ENTPD5: variants seen among roughly 807,000 people sequenced by gnomAD.
ENTPD5 encodes the protein ectonucleoside triphosphate diphosphohydrolase 5 (inactive), also known as nucleoside diphosphate phosphatase ENTPD5.
In ENTPD5, 49 loss-of-function variants were observed where a neutral mutation model predicts 60.2. The observed-to-expected ratio is 0.81, with a 90% CI of 0.65 to 1.03. The LOEUF (loss-of-function observed/expected upper bound fraction) is 1.03, where lower values mean the gene tolerates loss of function less well. Ranked by LOEUF, ENTPD5 falls within the 50% of genes least tolerant of loss-of-function variation. The probability of loss-of-function intolerance (pLI) is 0.00; values close to 1 mark genes in which losing one functional copy is unlikely to be tolerated. For missense variants in ENTPD5, 480 were observed against 507.6 expected, an observed-to-expected ratio of 0.95 and a Z score of 0.52; for synonymous variants, 187 against 185.4, an observed-to-expected ratio of 1.01 and a Z score of -0.07.
chr14:73,987,230 A>G (rs1341533633), intron 4 of ENTPD5: 4 of 685,588 alleles, frequency 5.8e-6, no homozygotes, highest in Non-Finnish European at 1.1e-5. Context: ...TGAAATTCTC[A>G]TGTGATCCTT....
rs187456645 is a variant in ENTPD5, at chr14:73,980,553, C to T, written c.441+2465G>A. Among the ~76,000 whole-genome samples the T allele has an allele frequency of 7.6e-4, 115 of 152,092 alleles. 1 individual carries two copies. Among genetic ancestry groups the T allele is most frequent in the African/African-American group, 2.5e-3 (105 of 41,526 alleles). On this transcript the variant is annotated intron_variant, in intron 6 of 15. Coordinates refer to ENST00000334696, the MANE Select transcript of ENTPD5 (RefSeq NM_001249.5). ...AGCTGGGATTTTGGGCATGAGCTAC[C>T]ACACCGGGACTTAATTTTTTTTGTA...
intron 5 of ENTPD5, among the ~76,000 whole-genome samples, chr14:73,983,622 T>TG (rs1594885708): frequency 1.4e-5 from 1 of 72,188 alleles, no homozygotes; most frequent in African/African-American, 7.5e-5. Flanking sequence ...ACACTCCATC[T>TG]CAAAAAAAAA....
At chr14:73,956,178 A>G (rs2056426621), downstream of ENTPD5, 1 of 405,118 alleles carries the variant, frequency 2.5e-6, no homozygotes, top group Non-Finnish European at 4.7e-6. Context: ...CAAAGAAACA[A>G]TTAGCCAGGC....
chr14:73,969,203 C>G (rs1188150380), intron 15 of ENTPD5, among the ~76,000 whole-genome samples: 1 of 152,176 alleles, frequency 6.6e-6, no homozygotes, highest in East Asian at 1.9e-4. Flanking sequence ...TCTTTGTGCT[C>G]CCATGACCGA....
chr14:73,988,732 A>T (rs1454762811), intron 3 of ENTPD5, among the ~76,000 whole-genome samples: 2 of 152,172 alleles, frequency 1.3e-5, no homozygotes, highest in African/African-American at 4.8e-5. Flanking sequence ...CCATGAAATC[A>T]ACTTTTTTAG....
chr14:73,992,745 A>G (rs1398951620), intron 3 of ENTPD5, among the ~76,000 whole-genome samples: 1 of 151,442 alleles, frequency 6.6e-6, no homozygotes, highest in African/African-American at 2.4e-5. Flanking sequence ...GCGCACGCCT[A>G]TCATCTCAGC....
intron 6 of ENTPD5, among the ~76,000 whole-genome samples, chr14:73,979,637 A>C (rs1464213349): frequency 6.6e-6 from 1 of 151,566 alleles, no homozygotes; most frequent in East Asian, 2.0e-4. Flanking sequence ...ACGCCTGGCT[A>C]ATTTTGTGTA....
chr14:73,982,943 A>C, intron 6 of ENTPD5, 75 bp downstream of exon 6: 4 of 1,505,850 alleles, frequency 2.7e-6, no homozygotes, highest in Non-Finnish European at 3.6e-6. Flanking sequence ...GTCACATTCC[A>C]AAAGGCTAAA....
At chr14:73,974,713 C>A (rs1451613678) in intron 11 of ENTPD5, among the ~76,000 whole-genome samples, 1 of 152,328 alleles carries the variant, frequency 6.6e-6, no homozygotes, top group East Asian at 1.9e-4. Context: ...AAGTAGACCT[C>A]ATTCTAAAAA....
At chr14:73,997,283 G>A (rs552950464) in intron 3 of ENTPD5, among the ~76,000 whole-genome samples, 130 of 151,946 alleles carry the variant, frequency 8.6e-4, no homozygotes, top group Non-Finnish European at 1.6e-3. Context: ...GAGTGGACTT[G>A]TTTTCCTTTC....
At chr14:74,004,427 T>C (rs1424342272) in intron 3 of ENTPD5, among the ~76,000 whole-genome samples, 2 of 152,164 alleles carry the variant, frequency 1.3e-5, no homozygotes, top group Admixed American at 6.5e-5. Flanking sequence ...CCTCCCAAAG[T>C]GCTGAGATTA....
At chr14:73,975,554 G>A (rs117000955) in intron 10 of ENTPD5, among the ~76,000 whole-genome samples, 1,638 of 152,040 alleles carry the variant, frequency 0.011, 9 homozygotes, top group Non-Finnish European at 0.018. Flanking sequence ...ACAGGTGTGC[G>A]CTGTCATATC....
At position 73,983,143 on chromosome 14, in the gene ENTPD5, C is replaced by G; in HGVS notation, c.316G>C (p.Gly106Arg). ...GAGTCTTTGGCCACCTCTAAGAGCC[C>G]TTGAACGGTCTCAGCACCCTTCAAA... ...QPKQGAETVQ[G>R]LLEVAKDSIP... Residue 106 changes from glycine (G) to arginine (R), a missense_variant, in exon 6 of 16, where the codon GGG becomes CGG. Transcript: ENST00000334696. The G allele has an allele frequency of 1.9e-6, 3 of 1,613,850 alleles. No homozygotes were observed. Among genetic ancestry groups the G allele is most frequent in the Non-Finnish European group, 2.5e-6 (3 of 1,179,884 alleles).
chr14:73,986,903 C>A lies in ENTPD5; in HGVS notation c.218-10G>T. The A allele has an allele frequency of 6.2e-7, 1 of 1,610,260 alleles. No individual in the cohort carries two copies. Among genetic ancestry groups the A allele is most frequent in the Non-Finnish European group, 8.5e-7 (1 of 1,176,542 alleles). On this transcript the variant is annotated splice_polypyrimidine_tract_variant and intron_variant, in intron 4 of 15. Transcript: ENST00000334696. ...AGAATTGGAAGCTGTCCTATTTTGT[C>A]CATGGAACAAAACAGAAGAGAGAGC...
chr14:73,975,116 T>C, intron 10 of ENTPD5, 131 bp from the exon 11 acceptor site: 2 of 718,924 alleles, frequency 2.8e-6, no homozygotes, highest in East Asian at 2.5e-5. Flanking sequence ...CTGTGACATA[T>C]TCATCTCCTG....
At chr14:73,998,857 A>C (rs919336206) in intron 3 of ENTPD5, among the ~76,000 whole-genome samples, 3 of 152,154 alleles carry the variant, frequency 2.0e-5, no homozygotes, top group Non-Finnish European at 4.4e-5. Flanking sequence ...AGTAGAAAAT[A>C]AAGTTGAAGA....
At chr14:73,989,832 C>CAAAAAAA (rs57558687) in intron 3 of ENTPD5, among the ~76,000 whole-genome samples, 7 of 52,334 alleles carry the variant, frequency 1.3e-4, no homozygotes, top group African/African-American at 6.0e-4. Context: ...GACTCAGTCT[C>CAAAAAAA]AAAAAAAAAA....
chr14:73,957,487 GT>G (rs1158859799), downstream of ENTPD5, among the ~76,000 whole-genome samples: 4 of 152,104 alleles, frequency 2.6e-5, no homozygotes, highest in Non-Finnish European at 5.9e-5. Flanking sequence ...GTTTTGTTTT[GT>G]TTTGAGACAA....
chr14:74,007,820 T>C (rs1448180516), intron 3 of ENTPD5: 1 of 147,052 alleles, frequency 6.8e-6, no homozygotes, highest in Non-Finnish European at 1.5e-5. Context: ...GACCTTGTGT[T>C]GAAAAAAAAA....
Sources: gnomAD v4.1 joint callset for allele counts (sites outside exome capture counted in the v4.1 genomes callset) on GRCh38, gnomAD v4.1.1 for gene constraint, MANE v1.5 for transcripts, NCBI Gene and HGNC (gene_info 2026-07-23, HGNC 2026-07-21) for gene names.